ITGA3: variants seen among roughly 807,000 people sequenced by gnomAD.
The protein encoded by ITGA3 is integrin alpha-3.
Under a neutral mutation model 131.1 loss-of-function variants are expected in ITGA3, and 70 were observed. The observed-to-expected ratio is 0.53, with a 90% CI of 0.44 to 0.65. ITGA3 has a LOEUF of 0.65. Ranked by LOEUF, ITGA3 falls within the 30% of genes least tolerant of loss-of-function variation. The pLI is 0.00. For synonymous variants in ITGA3, 537 were observed against 571.6 expected, an observed-to-expected ratio of 0.94 and a Z score of 0.86; for missense variants, 1,098 against 1,388.6, an observed-to-expected ratio of 0.79 and a Z score of 3.33.
chr17:50,069,697 C>T (rs1382436217), intron 4 of ITGA3, among the ~76,000 whole-genome samples: 4 of 152,116 alleles, frequency 2.6e-5, no homozygotes, highest in African/African-American at 9.7e-5. Flanking sequence ...TACTTTCTCT[C>T]TTTCTCTTAT....
rs557617782 is a variant in ITGA3, at chr17:50,070,904, C to G, written c.725C>G (p.Pro242Arg). Residue 242 changes from proline to arginine, a missense_variant, in exon 5 of 26, where the codon CCA (proline) becomes CGA (arginine). Physicochemically the swap from Pro to Arg is moderately radical, Grantham distance 103. Transcript: ENST00000320031. ...WDLSEYSYKDPEDQGNLYIGY... is the reference protein window; with the variant it reads ...WDLSEYSYKDREDQGNLYIGY... ...TTATCTGAGTATAGTTACAAGGACC[C>G]AGAGGACCAAGGAAACCTCTATATT... The G allele has an allele frequency of 1.3e-4, 211 of 1,610,658 alleles. No individual in the cohort carries two copies. Among genetic ancestry groups the G allele is most frequent in the Non-Finnish European group, 1.7e-4 (205 of 1,177,186 alleles).
At chr17:50,063,634 T>C (rs538122853) in intron 1 of ITGA3, 19 of 179,032 alleles carry the variant, frequency 1.1e-4, no homozygotes, top group African/African-American at 3.6e-4. Flanking sequence ...CTTCCCAGCC[T>C]GCCTTTGTGT....
intron 1 of ITGA3, among the ~76,000 whole-genome samples, chr17:50,061,711 C>G (rs1457674885): frequency 6.6e-6 from 1 of 152,170 alleles, no homozygotes; most frequent in Admixed American, 6.5e-5. Context: ...CTTCTTTTCC[C>G]TCTGCTCCAG....
Position 50,080,466 on chromosome 17 carries a change from GTGTGT to G in ITGA3, c.2820+92_2820+96del, listed in dbSNP as rs1567703954. 276 of 96,806 alleles carry G rather than the reference GTGTGT, an allele frequency of 2.9e-3. 1 individual carries two copies. Among genetic ancestry groups the G allele is most frequent in the Middle Eastern group, 0.018 (5 of 278 alleles). The allele number at this position is 96,806 out of a possible 1,614,324, so 6.0% of individuals were successfully genotyped here. ...GCGAGTCCAGGGTCATAGCATGGGT[GTGTGT>G]GTGTGTGTGTGTGTGTGTGTGTGTG... On this transcript the variant is annotated intron_variant, in intron 22 of 25. Transcript: ENST00000320031.
chr17:50,074,496 A>T lies in ITGA3; in HGVS notation c.1431A>T (p.Pro477=). The T allele has an allele frequency of 6.2e-7, 1 of 1,614,062 alleles. No individual in the cohort carries two copies. The highest frequency in any genetic ancestry group is 8.5e-7 in the Non-Finnish European group (1 of 1,179,984). The change falls in exon 10 of 26, where the codon CCA becomes CCT. Residue 477 remains proline, a synonymous_variant. Transcript: ENST00000320031. ...TCCACAAGACCTTGGTGCCCAGGCC[A>T]GCTGTGCTGGACCCTGCACTTTGCA... ...NIVHKTLVPR[P]AVLDPALCTA... is the part of the protein sequence containing the mutation.
chr17:50,070,302 C>T (rs1012872353), intron 4 of ITGA3, among the ~76,000 whole-genome samples: 5 of 152,182 alleles, frequency 3.3e-5, no homozygotes, highest in African/African-American at 1.2e-4. Context: ...CAACTTCCCT[C>T]CTGAGCCTCA....
chr17:50,066,352 G>A (rs1342045758), intron 3 of ITGA3, among the ~76,000 whole-genome samples: 3 of 145,460 alleles, frequency 2.1e-5, no homozygotes, highest in Middle Eastern at 3.4e-3. Flanking sequence ...ATGAGGTCTG[G>A]CTCTGTCACC....
intron 23 of ITGA3, among the ~76,000 whole-genome samples, chr17:50,084,470 A>G (rs1206066024): frequency 6.6e-6 from 1 of 152,194 alleles, no homozygotes; most frequent in Non-Finnish European, 1.5e-5. Context: ...AATTATTTAT[A>G]ATGGCAGAAA....
chr17:50,076,920 C>T (rs138215272), intron 14 of ITGA3, 54 bp from the exon 15 acceptor site: 1 of 1,563,634 alleles, frequency 6.4e-7, no homozygotes, highest in Non-Finnish European at 8.7e-7. Flanking sequence ...CTAGTTGATC[C>T]GGGAGTGCCC....
At chr17:50,081,755 G>A (rs1185328879) in intron 23 of ITGA3, among the ~76,000 whole-genome samples, 1 of 152,202 alleles carries the variant, frequency 6.6e-6, no homozygotes, top group Admixed American at 6.5e-5. Flanking sequence ...GAGGCCTAGA[G>A]AGACTTGAGT....
rs982779323 is a variant in ITGA3, at chr17:50,056,526, C to A, written c.87C>A (p.Val29=). Residue 29 remains valine, a synonymous_variant, in exon 1 of 26, where the codon GTC becomes GTA. Transcript: ENST00000320031. This position sits in a 1 kb window ranked among gnomAD's most constrained non-coding sequence, Gnocchi z 5.6. ...LALMVAAGGC[V]VSAFNLDTRF... ...TGATGGTGGCGGCCGGCGGCTGCGT[C>A]GTCTCCGCCTTCAACCTGGATACCC... The A allele has an allele frequency of 2.4e-5, 38 of 1,552,822 alleles. No individual in the cohort carries two copies. The highest frequency in any genetic ancestry group is 1.2e-4 in the East Asian group (5 of 41,062).
intron 1 of ITGA3, among the ~76,000 whole-genome samples, chr17:50,063,107 C>A (rs1418541326): frequency 6.7e-6 from 1 of 148,294 alleles, no homozygotes; most frequent in Admixed American, 6.6e-5. Flanking sequence ...CCAACCCCTG[C>A]CTCTTTCTGC....
rs1048503544 is a variant in ITGA3 at position 50,078,187 on chromosome 17, C to A, written c.2220-20C>A. ...GAGGTATCTTGGATCACCTTCCTAACCCCTGCATTTCCTCCCAAGGTCGAG... is the reference window on the plus strand; with the variant it reads ...GAGGTATCTTGGATCACCTTCCTAAACCCTGCATTTCCTCCCAAGGTCGAG... On this transcript the variant is annotated intron_variant, in intron 17 of 25. Transcript: ENST00000320031. The A allele has an allele frequency of 3.1e-6, 5 of 1,613,478 alleles. No homozygotes were observed. The South Asian group carries it at 3.3e-5, about 11-fold the overall frequency.
chr17:50,063,811 T>A (rs868422174), intron 1 of ITGA3: 1 of 484,846 alleles, frequency 2.1e-6, no homozygotes. Flanking sequence ...AGACTCAGAT[T>A]AGGTCACCTC....
chr17:50,080,600 C>A (rs1909148650), intron 22 of ITGA3, among the ~76,000 whole-genome samples: 1 of 151,706 alleles, frequency 6.6e-6, no homozygotes, highest in South Asian at 2.1e-4. Flanking sequence ...CATTACTGTC[C>A]CACCTCCATG....
Position 50,079,535 on chromosome 17 carries a change from A to C in ITGA3, c.2684A>C (p.Lys895Thr). ...CCTGTCACTCTGGCTGCTGCCAAAA[A>C]AGCCAAGTCTGAGACTGTGCTGGTG... ...PPPVTLAAAK[K>T]AKSETVLTCA... is the part of the protein sequence containing the mutation. The change falls in exon 21 of 26, where the codon AAA becomes ACA. Residue 895 changes from lysine to threonine, a missense_variant. Physicochemically the swap from Lys to Thr is moderately conservative, Grantham distance 78. Coordinates refer to ENST00000320031, the MANE Select transcript of ITGA3 (RefSeq NM_002204.4). The C allele has an allele frequency of 6.4e-7, 1 of 1,557,768 alleles. No homozygotes were observed. The highest frequency in any genetic ancestry group is 8.7e-7 in the Non-Finnish European group (1 of 1,154,256).
chr17:50,062,395 C>G (rs575616238), intron 1 of ITGA3, among the ~76,000 whole-genome samples: 1 of 152,150 alleles, frequency 6.6e-6, no homozygotes, highest in African/African-American at 2.4e-5. Context: ...CTGTCAGGCA[C>G]GCCAGAGAGC....
rs1228990565 is a variant in ITGA3, at chr17:50,089,540, C to T, written c.*462C>T. The T allele has an allele frequency of 2.1e-6, 1 of 466,426 alleles. No individual in the cohort carries two copies. Among genetic ancestry groups the T allele is most frequent in the Non-Finnish European group, 3.9e-6 (1 of 254,664 alleles). 28.9% of individuals were successfully genotyped at this position (466,426 alleles called of 1,614,324 possible). On this transcript the variant is annotated 3_prime_UTR_variant, in exon 26 of 26. Transcript: ENST00000320031. ...CTGCTCGTGGACTGTGCTGGTGCAT[C>T]ACGGATGGTGCATGGGCTCGCCGTG...
chr17:50,089,853 A>G lies in ITGA3; in HGVS notation c.*775A>G. On this transcript the variant is annotated 3_prime_UTR_variant, in exon 26 of 26. Transcript: ENST00000320031. ...GCTCAGACCCAACAGCAAAGGAACT[A>G]GAAAGAAGGACCCAGAACGGCTTGC... 1 of 173,652 alleles carries G rather than the reference A, an allele frequency of 5.8e-6. No homozygotes were observed. 10.8% of individuals were successfully genotyped at this position (173,652 alleles called of 1,614,324 possible).
Sources: gnomAD v4.1 joint callset for allele counts (sites outside exome capture counted in the v4.1 genomes callset) on GRCh38, gnomAD v4.1.1 for gene constraint, Gnocchi (gnomAD v3.1) non-coding constraint, MANE v1.5 for transcripts, NCBI Gene and HGNC (gene_info 2026-07-23, HGNC 2026-07-21) for gene names.